CBX5: variants seen among roughly 807,000 people sequenced by gnomAD.
CBX5 encodes chromobox protein homolog 5.
A neutral mutation model predicts 20.7 loss-of-function variants in CBX5; 7 were observed. That is an observed-to-expected ratio of 0.34 (90% confidence interval 0.19 to 0.63). The LOEUF is 0.63. Ranked by LOEUF, CBX5 falls within the 30% of genes least tolerant of loss-of-function variation. CBX5 has a pLI of 0.75. For missense variants in CBX5, 110 were observed against 224.1 expected (o/e 0.49, Z 3.25); for synonymous variants, 78 against 77.0 (o/e 1.01, Z -0.07).
chr12:54,269,833 G>A (rs1021730841), intron 1 of CBX5, among the ~76,000 whole-genome samples: 1 of 152,058 alleles, frequency 6.6e-6, no homozygotes, highest in Non-Finnish European at 1.5e-5. Flanking sequence ...TGAACTCTTG[G>A]CCTCCCAAAA....
intron 1 of CBX5, among the ~76,000 whole-genome samples, chr12:54,263,624 T>C (rs1360576845): frequency 6.6e-6 from 1 of 150,848 alleles, no homozygotes; most frequent in African/African-American, 2.4e-5. Context: ...CTCGGGAGGC[T>C]GAGGCAGTTA....
chr12:54,275,945 G>A (rs1251323199), intron 1 of CBX5, among the ~76,000 whole-genome samples: 2 of 147,094 alleles, frequency 1.4e-5, no homozygotes, highest in African/African-American at 2.5e-5. Context: ...AGTCAAGATC[G>A]TGCCACCGCA....
At chr12:54,255,152 A>G (rs1473592334) in intron 2 of CBX5, among the ~76,000 whole-genome samples, 1 of 152,188 alleles carries the variant, frequency 6.6e-6, no homozygotes, top group Non-Finnish European at 1.5e-5. Context: ...GTTGGCCAGG[A>G]ATAGTGATTC....
chr12:54,257,735 G>GT (rs1592160022), intron 1 of CBX5, 43 bp from the exon 2 acceptor site: 7 of 1,503,980 alleles, frequency 4.7e-6, no homozygotes, highest in East Asian at 2.3e-5. Flanking sequence ...CATGTGAGGA[G>GT]TTAAAAACTT....
In CBX5 at chr12:54,241,566, C is replaced by T; in HGVS notation, c.*189G>A. 1.7e-6 allele frequency: 1 copy of T among 574,796 alleles called. No individual in the cohort carries two copies. Among genetic ancestry groups the T allele is most frequent in the Non-Finnish European group, 3.0e-6 (1 of 332,358 alleles). 35.6% of individuals were successfully genotyped at this position (574,796 alleles called of 1,614,324 possible). On this transcript the variant is annotated 3_prime_UTR_variant, in exon 5 of 5. Transcript: ENST00000209875. ...TAAATGCCTGGTCTTCACAGAGAGA[C>T]ACTTATCATTAATCAGACCATCAGT...
At chr12:54,266,009 T>G (rs1440588366) in intron 1 of CBX5, among the ~76,000 whole-genome samples, 2 of 150,512 alleles carry the variant, frequency 1.3e-5, no homozygotes, top group South Asian at 4.2e-4. Context: ...ATGGTGCCAC[T>G]GCACTCCAGC....
At chr12:54,272,264 G>T (rs553346572) in intron 1 of CBX5, 15 of 152,194 alleles carry the variant, frequency 9.9e-5, no homozygotes, top group South Asian at 4.1e-4. Context: ...CTCCACAGAA[G>T]AAATAAATAA....
intron 2 of CBX5, among the ~76,000 whole-genome samples, chr12:54,255,403 C>G (rs2137020061): frequency 6.6e-6 from 1 of 151,678 alleles, no homozygotes; most frequent in Non-Finnish European, 1.5e-5. Context: ...ACTAAAAATA[C>G]AAAAAGTTAG....
intron 3 of CBX5, among the ~76,000 whole-genome samples, chr12:54,251,301 A>C (rs1943799035): frequency 6.6e-6 from 1 of 151,992 alleles, no homozygotes; most frequent in South Asian, 2.1e-4. Flanking sequence ...TCTATTAAAA[A>C]TACAAAAATT....
In CBX5 at chr12:54,257,796, C is replaced by T. The variant is rs1424039426; in HGVS notation, c.-42-104G>A. ...GGGATAACACTGAGTTGCCATGTGC[C>T]CTGCTCTTGAGTCTCAAATCATTCT... On this transcript the variant is annotated intron_variant, in intron 1 of 4. Transcript: ENST00000209875. 20 of 754,672 alleles carry T rather than the reference C, an allele frequency of 2.7e-5. No individual in the cohort carries two copies. The South Asian group carries it at 3.6e-4, about 14-fold the overall frequency. 46.7% of individuals were successfully genotyped at this position (754,672 alleles called of 1,614,324 possible).
chr12:54,264,092 G>A (rs1943938455), intron 1 of CBX5, among the ~76,000 whole-genome samples: 1 of 152,180 alleles, frequency 6.6e-6, no homozygotes, highest in Admixed American at 6.5e-5. Context: ...GTTTAATGCT[G>A]GAAGAACCCA....
rs189011856 is a variant in CBX5 at position 54,238,439 on chromosome 12, A to T, written c.*3316T>A. 4 of 152,318 alleles carry T rather than the reference A, an allele frequency of 2.6e-5. No individual in the cohort carries two copies. The highest frequency in any genetic ancestry group is 9.6e-5 in the African/African-American group (4 of 41,572). 9.4% of individuals were successfully genotyped at this position (152,318 alleles called of 1,614,324 possible). A position where few individuals can be genotyped will look rare whatever the true frequency, so the allele number is the denominator to read the frequency against. Reference sequence around the variant, plus strand: ...GAAAACATAACTAAAAAAGTAGAAGACACTGTTAAATTTGAATCTGGATCC... The same window carrying T: ...GAAAACATAACTAAAAAAGTAGAAGTCACTGTTAAATTTGAATCTGGATCC... On this transcript the variant is annotated 3_prime_UTR_variant, in exon 5 of 5. Transcript: ENST00000209875.
intron 3 of CBX5, among the ~76,000 whole-genome samples, chr12:54,251,015 C>T (rs1200401051): frequency 4.6e-5 from 7 of 151,320 alleles, no homozygotes; most frequent in Non-Finnish European, 1.0e-4. Flanking sequence ...CCTGTAATCC[C>T]AGCTACTTGG....
At chr12:54,276,345 T>A (rs915918416) in intron 1 of CBX5, among the ~76,000 whole-genome samples, 5 of 152,348 alleles carry the variant, frequency 3.3e-5, no homozygotes, top group South Asian at 2.1e-4. Context: ...GTGTTCAGAA[T>A]ACTTACATTA....
chr12:54,275,198 A>G (rs567803021), intron 1 of CBX5, among the ~76,000 whole-genome samples: 3 of 152,196 alleles, frequency 2.0e-5, no homozygotes, highest in African/African-American at 7.2e-5. Context: ...ATTCCCCTTT[A>G]GTAAACACCC....
chr12:54,262,354 C>T (rs1420312656), intron 1 of CBX5, among the ~76,000 whole-genome samples: 1 of 152,206 alleles, frequency 6.6e-6, no homozygotes, highest in South Asian at 2.1e-4. Context: ...AGTTCAATTC[C>T]CTCCTTTCCA....
chr12:54,268,794 C>T (rs1055751706), intron 1 of CBX5, among the ~76,000 whole-genome samples: 4 of 152,140 alleles, frequency 2.6e-5, no homozygotes, highest in Non-Finnish European at 5.9e-5. Context: ...GGAATAAGTA[C>T]ATGTGGGTCC....
intron 1 of CBX5, among the ~76,000 whole-genome samples, chr12:54,260,173 A>AC (rs1272637668): frequency 6.6e-6 from 1 of 151,926 alleles, no homozygotes; most frequent in Non-Finnish European, 1.5e-5. Context: ...AAAAAAAAAA[A>AC]AAAAAAACCC....
Position 54,236,355 on chromosome 12 carries a change from T to C in CBX5, c.*5400A>G, listed in dbSNP as rs1943622599. 6.6e-6 allele frequency: 1 copy of C among 152,190 alleles called. No homozygotes were observed. The highest frequency in any genetic ancestry group is 1.5e-5 in the Non-Finnish European group (1 of 68,006). 9.4% of individuals were successfully genotyped at this position (152,190 alleles called of 1,614,324 possible). ...TGGCCTCTTTCTGAACCTTGTATCT[T>C]CAGGCCAAAAAAATGTCTGTTGAAT... On this transcript the variant is annotated 3_prime_UTR_variant, in exon 5 of 5. Coordinates refer to ENST00000209875, the MANE Select transcript of CBX5 (RefSeq NM_012117.3).
Sources: allele counts gnomAD v4.1 joint callset (sites outside exome capture counted in the v4.1 genomes callset), GRCh38; gene constraint gnomAD v4.1.1; transcripts MANE v1.5; gene names NCBI Gene and HGNC (gene_info 2026-07-23, HGNC 2026-07-21).